TCERG1: variants seen among roughly 807,000 people sequenced by gnomAD.
The protein encoded by TCERG1 is TATA box binding protein (TBP)-associated factor, RNA polymerase II, S, 150kD.
A neutral mutation model predicts 144.7 loss-of-function variants in TCERG1; 37 were observed. The observed-to-expected ratio is 0.26, with a 90% confidence interval of 0.20 to 0.34. The LOEUF is 0.34. Ranked by LOEUF, TCERG1 falls within the 10% of genes least tolerant of loss-of-function variation. TCERG1 has a pLI of 1.00. For missense variants in TCERG1, 1,027 were observed against 1,380.7 expected (o/e 0.74, Z 4.06); for synonymous variants, 492 against 458.2 (o/e 1.07, Z -0.94).
chr5:146,450,562 A>G (rs1280341453), intron 1 of TCERG1, among the ~76,000 whole-genome samples: 1 of 152,222 alleles, frequency 6.6e-6, no homozygotes, highest in Non-Finnish European at 1.5e-5. Flanking sequence ...TAACTTAGAT[A>G]GCACTTACAT....
rs528285059 is a variant in TCERG1, at chr5:146,503,355, C to T, written c.2434-20C>T. On this transcript the variant is annotated intron_variant, in intron 17 of 22. Coordinates refer to ENST00000679501, the MANE Select transcript of TCERG1 (RefSeq NM_001382548.1). ...GTACATTATTTTCCCTCCCATCCCA[C>T]TACCTGTTTTAAAATACAGATTAAA... is the stretch of plus-strand genomic sequence containing the variant. 1 of 1,606,762 alleles carries T rather than the reference C, an allele frequency of 6.2e-7. No individual in the cohort carries two copies. The highest frequency in any genetic ancestry group is 1.3e-5 in the African/African-American group (1 of 74,854).
chr5:146,468,237 A>G, intron 5 of TCERG1, 104 bp from the exon 6 acceptor site: 1 of 932,374 alleles, frequency 1.1e-6, no homozygotes, highest in South Asian at 2.3e-5. Flanking sequence ...TTTTCATTGG[A>G]AATAGCATTC....
At chr5:146,456,303 G>A (rs1300440090) in intron 2 of TCERG1, among the ~76,000 whole-genome samples, 1 of 152,088 alleles carries the variant, frequency 6.6e-6, no homozygotes, top group Non-Finnish European at 1.5e-5. Flanking sequence ...AATCTTTAAC[G>A]TGAATTTGTT....
intron 22 of TCERG1, 66 bp from the exon 23 acceptor site, chr5:146,510,375 C>T: frequency 8.5e-7 from 1 of 1,178,528 alleles, no homozygotes; most frequent in Non-Finnish European, 1.2e-6. Flanking sequence ...TGGACATTTC[C>T]AGCTCATTTC....
chr5:146,458,636 C>T (rs1187131042), intron 3 of TCERG1, among the ~76,000 whole-genome samples: 1 of 151,782 alleles, frequency 6.6e-6, no homozygotes, highest in East Asian at 1.9e-4. Flanking sequence ...CCACACCTGG[C>T]TAATTTTTTT....
At chr5:146,478,967 G>A (rs3756501) in intron 10 of TCERG1, among the ~76,000 whole-genome samples, 40,649 of 151,776 alleles carry the variant, frequency 0.27, 6,633 homozygotes, top group East Asian at 0.83. Flanking sequence ...AATGCTCCTC[G>A]GTGGGCCTTT....
In TCERG1 at chr5:146,459,092, A is replaced by G. The variant is rs566609153; in HGVS notation, c.647A>G (p.Gln216Arg). Reference sequence around the variant, plus strand: ...CAGGCTCAGGCCCAGGCCCAGGCCCAGGCCCAGGCCCAGGCCCAAGCCCAA... The same window carrying G: ...CAGGCTCAGGCCCAGGCCCAGGCCCGGGCCCAGGCCCAGGCCCAAGCCCAA... ...QAQAQAQAQA[Q>R]AQAQAQAQAQ... The change falls in exon 4 of 23, where the codon CAG becomes CGG. Residue 216 changes from glutamine to arginine, a missense_variant. By Grantham distance (43) the Gln-to-Arg change is conservative (BLOSUM62 1). This residue lies in a region of TCERG1 where 187 missense variants were observed against 169.1 expected (regional missense o/e 1.11). Transcript: ENST00000679501. 6 of 1,594,674 alleles carry G rather than the reference A, an allele frequency of 3.8e-6. No individual in the cohort carries two copies. Among genetic ancestry groups the G allele is most frequent in the East Asian group, 2.2e-5 (1 of 44,558 alleles).
intron 18 of TCERG1, 116 bp downstream of exon 18, chr5:146,503,655 A>C: frequency 7.1e-7 from 1 of 1,399,108 alleles, no homozygotes; most frequent in South Asian, 1.4e-5. Flanking sequence ...TCTTGTTAGT[A>C]TTCTTAACAT....
chr5:146,476,283 T>C (rs535831040), intron 9 of TCERG1, among the ~76,000 whole-genome samples: 240 of 152,358 alleles, frequency 1.6e-3, no homozygotes, highest in African/African-American at 5.7e-3. Flanking sequence ...AAGATTTTTA[T>C]TGAACCTCAT....
intron 15 of TCERG1, among the ~76,000 whole-genome samples, chr5:146,486,491 G>C (rs1765841695): frequency 6.6e-6 from 1 of 152,150 alleles, no homozygotes; most frequent in African/African-American, 2.4e-5. Context: ...ACTAGGTTCT[G>C]ACATAGATAG....
In TCERG1 at chr5:146,511,367, G is replaced by A. The variant is rs575055764; in HGVS notation, c.*725G>A. 6.5e-5 allele frequency: 10 copies of A among 152,682 alleles called. No individual in the cohort carries two copies. Among genetic ancestry groups the A allele is most frequent in the Admixed American group, 1.3e-4 (2 of 15,292 alleles). 9.5% of individuals were successfully genotyped at this position (152,682 alleles called of 1,614,324 possible). A position where few individuals can be genotyped will look rare whatever the true frequency, so the allele number is the denominator to read the frequency against. On this transcript the variant is annotated 3_prime_UTR_variant, in exon 23 of 23. Coordinates refer to ENST00000679501, the MANE Select transcript of TCERG1 (RefSeq NM_001382548.1). ...TGATCTTTATCAATATTCTGGATTA[G>A]ACAACAAATTACCTTTCTGGGTGTT...
chr5:146,468,023 A>C (rs539491378), intron 5 of TCERG1, among the ~76,000 whole-genome samples: 64 of 152,282 alleles, frequency 4.2e-4, no homozygotes, highest in African/African-American at 1.5e-3. Flanking sequence ...CTGTGGGAAA[A>C]TGTCCCACAT....
Position 146,469,473 on chromosome 5 carries a change from T to C in TCERG1, c.1199-71T>C, listed in dbSNP as rs1453334648. ...TTAATATTTAATAGAAAGATTTAGC[T>C]CATATTTTAGAGTTTTATTTTGTAT... On this transcript the variant is annotated intron_variant, in intron 6 of 22. Coordinates refer to ENST00000679501, the MANE Select transcript of TCERG1 (RefSeq NM_001382548.1). 4.0e-6 allele frequency: 5 copies of C among 1,256,534 alleles called. No homozygotes were observed. The Admixed American group carries it at 7.6e-5, about 19-fold the overall frequency. The allele number at this position is 1,256,534 out of a possible 1,614,324, so 77.8% of individuals were successfully genotyped here.
At chr5:146,498,406 C>A in intron 16 of TCERG1, 130 bp from the exon 17 acceptor site, 1 of 920,672 alleles carries the variant, frequency 1.1e-6, no homozygotes, top group Non-Finnish European at 1.6e-6. Context: ...TTACTGTTCA[C>A]TGTTAGGTAG....
At chr5:146,467,007 T>C (rs1175412064) in intron 5 of TCERG1, among the ~76,000 whole-genome samples, 1 of 152,240 alleles carries the variant, frequency 6.6e-6, no homozygotes, top group Admixed American at 6.5e-5. Flanking sequence ...CTTAACCAAA[T>C]GAATTTTTCC....
chr5:146,494,841 C>T (rs1006099084), intron 16 of TCERG1, among the ~76,000 whole-genome samples: 1 of 152,080 alleles, frequency 6.6e-6, no homozygotes, highest in South Asian at 2.1e-4. Flanking sequence ...AGTCATACCT[C>T]CCACAGTCAG....
In TCERG1 at chr5:146,455,227, G is replaced by T. The variant is rs763905439; in HGVS notation, c.231G>T (p.Pro77=). Residue 77 remains proline (P), a synonymous_variant, in exon 2 of 23, where the codon CCG becomes CCT. Transcript: ENST00000679501. ...FGRPPFDPNM[P]PMPPPGGIPP... is the part of the protein sequence containing the mutation. ...GTCCTCCTTTTGATCCTAATATGCC[G>T]CCAATGCCTCCTCCAGGAGGGATAC... 4 of 1,614,006 alleles carry T rather than the reference G, an allele frequency of 2.5e-6. No individual in the cohort carries two copies. In the Admixed American group the frequency reaches 5.0e-5, roughly 20 times the overall value.
At chr5:146,460,261 A>G (rs1317481955) in intron 4 of TCERG1, among the ~76,000 whole-genome samples, 1 of 152,120 alleles carries the variant, frequency 6.6e-6, no homozygotes, top group Non-Finnish European at 1.5e-5. Context: ...AGAGAGGGAC[A>G]CAGCTATTAA....
intron 1 of TCERG1, among the ~76,000 whole-genome samples, chr5:146,454,408 G>A (rs1330966521): frequency 2.0e-5 from 3 of 151,456 alleles, no homozygotes; most frequent in Non-Finnish European, 4.4e-5. Flanking sequence ...TCCTTATTAC[G>A]TAGATTATGT....
Sources: gnomAD v4.1 joint callset for allele counts (sites outside exome capture counted in the v4.1 genomes callset) on GRCh38, gnomAD v4.1.1 for gene constraint, gnomAD v4.1.1 regional missense constraint, MANE v1.5 for transcripts, NCBI Gene and HGNC (gene_info 2026-07-23, HGNC 2026-07-21) for gene names.